Variants in MAPT observed in about 807,000 individuals in gnomAD.
MAPT encodes microtubule associated protein tau, also known as microtubule-associated protein tau.
Under a neutral mutation model 67.9 loss-of-function variants are expected in MAPT, and 34 were observed. That is an observed-to-expected ratio of 0.50 (90% CI 0.38 to 0.67). The LOEUF is 0.67. Among genes scored for constraint, MAPT ranks in the 30% least tolerant of loss-of-function variants. MAPT has a pLI of 0.00. For missense variants in MAPT, 881 were observed against 1,115.2 expected, an observed-to-expected ratio of 0.79 and a Z score of 2.99; for synonymous variants, 456 against 464.5, an observed-to-expected ratio of 0.98 and a Z score of 0.23.
intron 12 of MAPT, among the ~76,000 whole-genome samples, chr17:46,021,764 T>C (rs1402920083): frequency 2.0e-5 from 3 of 152,186 alleles, no homozygotes; most frequent in Non-Finnish European, 4.4e-5. Flanking sequence ...GAGTCTCAGC[T>C]TCTTGGCTCC....
At chr17:45,951,103 CA>C (rs67600861) in intron 1 of MAPT, among the ~76,000 whole-genome samples, 21,723 of 152,264 alleles carry the variant, frequency 0.14, 2,128 homozygotes, top group Non-Finnish European at 0.22. Context: ...AGAAGCCAGT[CA>C]CCAAAAGCCA....
chr17:45,910,985 C>T (rs941962949), intron 1 of MAPT, among the ~76,000 whole-genome samples: 2 of 152,210 alleles, frequency 1.3e-5, no homozygotes, highest in African/African-American at 2.4e-5. Context: ...TTAGGTAACA[C>T]ATCCTGTAAT....
intron 1 of MAPT, among the ~76,000 whole-genome samples, chr17:45,943,371 G>A (rs180788598): frequency 1.8e-4 from 27 of 152,180 alleles, no homozygotes; most frequent in Non-Finnish European, 3.4e-4. Context: ...CACTTCTTAC[G>A]TGTGTTCAGC....
At chr17:45,949,168 C>T (rs2068803763) in intron 1 of MAPT, among the ~76,000 whole-genome samples, 2 of 152,266 alleles carry the variant, frequency 1.3e-5, no homozygotes, top group Admixed American at 6.5e-5. Context: ...GAACCGCGGG[C>T]CAGGGGGCGA....
At chr17:45,970,228 A>G (rs2071521579) in intron 2 of MAPT, among the ~76,000 whole-genome samples, 1 of 152,220 alleles carries the variant, frequency 6.6e-6, no homozygotes. Flanking sequence ...ATCCAATTAT[A>G]CCTCCATCCA....
chr17:45,941,480 T>C (rs1167709117), intron 1 of MAPT, among the ~76,000 whole-genome samples: 1 of 151,898 alleles, frequency 6.6e-6, no homozygotes, highest in Non-Finnish European at 1.5e-5. Context: ...GCCCCTGGCT[T>C]CTACCCCAGG....
Position 45,996,394 on chromosome 17 carries a change from C to A in MAPT, c.1733-5C>A. ...CCTGGCTTCACTCCCTTCCTTCCTT[C>A]CCAGGTGAACCTCCAAAATCAGGGG... is the stretch of plus-strand genomic sequence containing the variant. On this transcript the variant is annotated splice_polypyrimidine_tract_variant and splice_region_variant and intron_variant, in intron 8 of 12. Transcript: ENST00000262410. The surrounding 1 kb of genome is among the most constrained non-coding windows in gnomAD (Gnocchi z 4.5). 6.2e-7 allele frequency: 1 copy of A among 1,611,210 alleles called. No individual in the cohort carries two copies. Among genetic ancestry groups the A allele is most frequent in the Admixed American group, 1.7e-5 (1 of 60,016 alleles).
intron 1 of MAPT, among the ~76,000 whole-genome samples, chr17:45,932,325 T>A (rs1032984957): frequency 5.3e-5 from 8 of 151,684 alleles, no homozygotes; most frequent in African/African-American, 1.9e-4. Flanking sequence ...GCACGGTGGC[T>A]CACGCCTGTA....
rs1028385099 is a variant in MAPT at position 46,010,847 on chromosome 17, TTGAC to T, written c.2091+446_2091+449del. On this transcript the variant is annotated intron_variant, in intron 10 of 12. Transcript: ENST00000262410. This position sits in a 1 kb window ranked among gnomAD's most constrained non-coding sequence, Gnocchi z 4.7. ...CCTCCTCCCCCGACACCTGGGCAGG[TTGAC>T]GTTGAGTGGCTCCACTGTGGACAGG... Among the ~76,000 whole-genome samples, 1 of 152,158 alleles carries T rather than the reference TTGAC, an allele frequency of 6.6e-6. No individual in the cohort carries two copies. Among genetic ancestry groups the T allele is most frequent in the African/African-American group, 2.4e-5 (1 of 41,460 alleles).
At position 45,914,158 on chromosome 17, in the gene MAPT, A is replaced by G. The variant is rs1477418158; in HGVS notation, c.-18+19472A>G. Among the ~76,000 whole-genome samples the G allele has an allele frequency of 2.6e-5, 3 of 116,098 alleles. No homozygotes were observed. The East Asian group carries it at 5.8e-4, about 22-fold the overall frequency. The allele number at this position is 116,098 out of a possible 152,430, so 76.2% of individuals were successfully genotyped here. ...GACAGAAAAAAAAAAATTAATTTAA[A>G]AAGACTGCTGATAAAACCACAGCGA... On this transcript the variant is annotated intron_variant, in intron 1 of 12. Transcript: ENST00000262410.
At chr17:45,967,782 G>T (rs1169386842) in intron 2 of MAPT, among the ~76,000 whole-genome samples, 2 of 151,978 alleles carry the variant, frequency 1.3e-5, no homozygotes, top group African/African-American at 4.8e-5. Context: ...GTCGCCCAAG[G>T]GACAACTCCA....
At chr17:45,988,525 T>C (rs953753712) in intron 6 of MAPT, among the ~76,000 whole-genome samples, 1 of 152,074 alleles carries the variant, frequency 6.6e-6, no homozygotes, top group Admixed American at 6.5e-5. Flanking sequence ...CCCGCCTCCA[T>C]AGGGACAGGC....
intron 1 of MAPT, among the ~76,000 whole-genome samples, chr17:45,934,990 T>C (rs967324869): frequency 6.6e-6 from 1 of 152,072 alleles, no homozygotes; most frequent in Non-Finnish European, 1.5e-5. Flanking sequence ...ATTATATGCA[T>C]GTTTTTGTCT....
chr17:45,941,705 GCCTT>G (rs1201409768), intron 1 of MAPT, among the ~76,000 whole-genome samples: 296 of 25,606 alleles, frequency 0.012, 9 homozygotes, highest in Middle Eastern at 0.028. Flanking sequence ...CTTCCTGCCT[GCCTT>G]CCTTCCTTCC....
At chr17:45,985,173 C>T (rs377173540) in intron 5 of MAPT, among the ~76,000 whole-genome samples, 8 of 151,962 alleles carry the variant, frequency 5.3e-5, no homozygotes, top group Admixed American at 2.0e-4. Flanking sequence ...GGCGTGGTGG[C>T]GGGCACCTGT....
In MAPT at chr17:45,996,011, T is replaced by C. The variant is rs1156900289; in HGVS notation, c.1733-388T>C. 6.6e-6 allele frequency among the ~76,000 whole-genome samples: 1 copy of C among 152,182 alleles called. No individual in the cohort carries two copies. Among genetic ancestry groups the C allele is most frequent in the African/African-American group, 2.4e-5 (1 of 41,426 alleles). On this transcript the variant is annotated intron_variant, in intron 8 of 12. Transcript: ENST00000262410. This position sits in a 1 kb window ranked among gnomAD's most constrained non-coding sequence, Gnocchi z 4.5. ...GGAGCCACGCTGGCCGCAGGGATTA[T>C]AATTATTTCCATTTTCAAATTAAGG...
At position 45,999,119 on chromosome 17, in the gene MAPT, G is replaced by A. The variant is rs538097986; in HGVS notation, c.1998+2455G>A. On this transcript the variant is annotated intron_variant, in intron 9 of 12. Coordinates refer to ENST00000262410, the MANE Select transcript of MAPT (RefSeq NM_001377265.1). ...TGCCATACCCTGCCCTGTGTCCCAT[G>A]GTGGGGAATGTCCTTCTCTCCTTAT... 142 of 1,282,984 alleles carry A rather than the reference G, an allele frequency of 1.1e-4. 1 individual carries two copies. In the East Asian group the frequency reaches 3.2e-3, roughly 29 times the overall value. 79.5% of individuals were successfully genotyped at this position (1,282,984 alleles called of 1,614,324 possible).
intron 4 of MAPT, 45 bp from the exon 5 acceptor site, chr17:45,982,821 A>G (rs2073105578): frequency 1.8e-6 from 2 of 1,117,786 alleles, no homozygotes; most frequent in Admixed American, 4.1e-5. Context: ...TAAGCGATTA[A>G]TGCGCCCTTG....
intron 1 of MAPT, among the ~76,000 whole-genome samples, chr17:45,936,838 T>G (rs2067376118): frequency 6.6e-6 from 1 of 152,150 alleles, no homozygotes; most frequent in Non-Finnish European, 1.5e-5. Context: ...CAACCGCAGG[T>G]GTGTTCCTGA....
Sources: allele counts gnomAD v4.1 joint callset (sites outside exome capture counted in the v4.1 genomes callset), GRCh38; gene constraint gnomAD v4.1.1; non-coding constraint Gnocchi (gnomAD v3.1); transcripts MANE v1.5; gene names NCBI Gene and HGNC (gene_info 2026-07-23, HGNC 2026-07-21).